CDH8: variants seen among roughly 807,000 people sequenced by gnomAD.
CDH8 encodes cadherin-8.
A neutral mutation model predicts 68.1 loss-of-function variants in CDH8; 17 were observed. The observed-to-expected ratio is 0.25, with a 90% confidence interval of 0.17 to 0.37. CDH8 has a LOEUF of 0.37. Among genes scored for constraint, CDH8 ranks in the 10% least tolerant of loss-of-function variants. The probability of loss-of-function intolerance (pLI) is 1.00; values close to 1 mark genes in which losing one functional copy is unlikely to be tolerated. For missense variants in CDH8, 763 were observed against 999.3 expected, an observed-to-expected ratio of 0.76 and a Z score of 3.19; for synonymous variants, 372 against 365.1, an observed-to-expected ratio of 1.02 and a Z score of -0.21.
intron 4 of CDH8, among the ~76,000 whole-genome samples, chr16:61,851,826 C>A (rs1962944678): frequency 6.6e-6 from 1 of 152,024 alleles, no homozygotes. Flanking sequence ...GAGGCCTGAA[C>A]CTGCTTCCAA....
intron 8 of CDH8, among the ~76,000 whole-genome samples, chr16:61,729,649 C>T (rs1016075151): frequency 6.6e-6 from 1 of 151,208 alleles, no homozygotes; most frequent in Non-Finnish European, 1.5e-5. Flanking sequence ...TCTTTTCATT[C>T]GACATCCTAG....
chr16:61,741,900 C>T (rs1959883209), intron 8 of CDH8, among the ~76,000 whole-genome samples: 1 of 152,168 alleles, frequency 6.6e-6, no homozygotes, highest in Non-Finnish European at 1.5e-5. Flanking sequence ...CACACTCACA[C>T]ACACACAGAA....
At chr16:61,714,464 C>A (rs918057963) in intron 9 of CDH8, among the ~76,000 whole-genome samples, 1 of 151,638 alleles carries the variant, frequency 6.6e-6, no homozygotes, top group African/African-American at 2.4e-5. Flanking sequence ...TGAGTTGCTT[C>A]TGTTCCCTCC....
intron 7 of CDH8, among the ~76,000 whole-genome samples, chr16:61,799,630 G>C (rs968259465): frequency 3.3e-5 from 5 of 152,066 alleles, no homozygotes; most frequent in Non-Finnish European, 7.4e-5. Flanking sequence ...ATGTTGGAAA[G>C]TTATGAGGAT....
intron 10 of CDH8, among the ~76,000 whole-genome samples, chr16:61,660,046 T>G (rs1465889331): frequency 6.6e-6 from 1 of 152,134 alleles, no homozygotes; most frequent in South Asian, 2.1e-4. Context: ...CTAAAGTGAC[T>G]GTGGACATAC....
intron 7 of CDH8, among the ~76,000 whole-genome samples, chr16:61,799,792 G>A (rs1961577420): frequency 3.9e-5 from 6 of 152,176 alleles, no homozygotes; most frequent in Admixed American, 3.9e-4. Context: ...TGTCATAAAT[G>A]AGTATATAAT....
chr16:61,768,613 A>G (rs1596950248), intron 8 of CDH8, among the ~76,000 whole-genome samples: 1 of 151,624 alleles, frequency 6.6e-6, no homozygotes, highest in Non-Finnish European at 1.5e-5. Flanking sequence ...AGTGTAAATT[A>G]TAATGCCAAT....
At chr16:61,860,428 T>C (rs1221330120) in intron 3 of CDH8, among the ~76,000 whole-genome samples, 1 of 152,110 alleles carries the variant, frequency 6.6e-6, no homozygotes, top group Non-Finnish European at 1.5e-5. Flanking sequence ...AGTCCAAAAA[T>C]TAAAGAAAAA....
chr16:61,649,685 T>C lies in CDH8; in HGVS notation c.*3923A>G, dbSNP rs1240275289. On this transcript the variant is annotated 3_prime_UTR_variant, in exon 12 of 12. Coordinates refer to ENST00000577390, the MANE Select transcript of CDH8 (RefSeq NM_001796.5). The stretch of plus-strand genomic sequence containing the variant: ...AATCAAAAAGGCAATCAGAAGGTTA[T>C]ACATTCGTGAGATTCCCTGCAAAGC... 2 of 152,152 alleles carry C rather than the reference T, an allele frequency of 1.3e-5. No homozygotes were observed. Among genetic ancestry groups the C allele is most frequent in the East Asian group, 3.9e-4 (2 of 5,146 alleles). The allele number at this position is 152,152 out of a possible 1,614,324, so 9.4% of individuals were successfully genotyped here. A position where few individuals can be genotyped will look rare whatever the true frequency, so the allele number is the denominator to read the frequency against.
Position 61,713,890 on chromosome 16 carries a change from G to A in CDH8, c.1605C>T (p.Leu535=). ...PKNGHYFLYS[L]LPEMVNNPNF... is the part of the protein sequence containing the mutation. ...TCGGATTGTTGACCATTTCTGGAAG[G>A]AGACTGTATAAGAAATAATGTCCGT... Residue 535 remains leucine (L), a synonymous_variant, in exon 10 of 12, where the codon CTC becomes CTT. Coordinates refer to ENST00000577390, the MANE Select transcript of CDH8 (RefSeq NM_001796.5). 6.2e-7 allele frequency: 1 copy of A among 1,608,626 alleles called. No individual in the cohort carries two copies. The highest frequency in any genetic ancestry group is 8.5e-7 in the Non-Finnish European group (1 of 1,175,884).
intron 4 of CDH8, among the ~76,000 whole-genome samples, chr16:61,846,621 G>A (rs1288277502): frequency 6.6e-6 from 1 of 152,044 alleles, no homozygotes; most frequent in African/African-American, 2.4e-5. Context: ...GAGCTCTGGA[G>A]TTTACTACCT....
At chr16:61,737,321 A>G (rs1163978979) in intron 8 of CDH8, among the ~76,000 whole-genome samples, 1 of 152,186 alleles carries the variant, frequency 6.6e-6, no homozygotes, top group Non-Finnish European at 1.5e-5. Flanking sequence ...TTCTACAAGT[A>G]GAAGGGTAGA....
intron 8 of CDH8, among the ~76,000 whole-genome samples, chr16:61,754,774 ATATTT>A (rs904174316): frequency 2.4e-4 from 36 of 152,130 alleles, no homozygotes; most frequent in African/African-American, 7.2e-4. Context: ...ATTTCAACTT[ATATTT>A]TATTTTATGT....
chr16:61,973,379 G>A (rs796475544), intron 2 of CDH8, among the ~76,000 whole-genome samples: 2 of 152,136 alleles, frequency 1.3e-5, no homozygotes, highest in South Asian at 2.1e-4. Context: ...TATGAAATAC[G>A]TGTTAATCAA....
At chr16:61,759,059 G>C (rs951644923) in intron 8 of CDH8, among the ~76,000 whole-genome samples, 6 of 152,150 alleles carry the variant, frequency 3.9e-5, no homozygotes, top group Admixed American at 3.9e-4. Flanking sequence ...CCTCTACTAA[G>C]AATCGTAACA....
intron 7 of CDH8, among the ~76,000 whole-genome samples, chr16:61,813,416 C>T (rs552420743): frequency 3.3e-5 from 5 of 152,238 alleles, no homozygotes; most frequent in African/African-American, 1.2e-4. Context: ...TGGGTATAAC[C>T]GAGACAGCCA....
intron 10 of CDH8, among the ~76,000 whole-genome samples, chr16:61,695,273 C>T (rs1312477511): frequency 6.6e-6 from 1 of 152,080 alleles, no homozygotes; most frequent in Non-Finnish European, 1.5e-5. Flanking sequence ...TAGGTAAAGT[C>T]CCCAGTCAAT....
chr16:61,817,504 G>A lies in CDH8; in HGVS notation c.1252C>T (p.Pro418Ser). The change falls in exon 7 of 12, where the codon CCT becomes TCT. Residue 418 changes from proline to serine, a missense_variant. Transcript: ENST00000577390. ...SVIGQVTARD[P>S]DITSSPIRFS... is the part of the protein sequence containing the mutation. ...CTTATAGGACTGGAAGTGATATCAG[G>A]GTCACGAGCAGTCACTTGCCCAATC... The A allele has an allele frequency of 6.2e-7, 1 of 1,613,788 alleles. No individual in the cohort carries two copies. The highest frequency in any genetic ancestry group is 1.1e-5 in the South Asian group (1 of 91,066).
intron 2 of CDH8, among the ~76,000 whole-genome samples, chr16:61,933,955 G>C (rs1390985157): frequency 6.6e-6 from 1 of 152,092 alleles, no homozygotes; most frequent in Non-Finnish European, 1.5e-5. Context: ...CAAAACCTGC[G>C]ATTGTAGTAA....
Sources: gnomAD v4.1 joint callset for allele counts (sites outside exome capture counted in the v4.1 genomes callset) on GRCh38, gnomAD v4.1.1 for gene constraint, MANE v1.5 for transcripts, NCBI Gene and HGNC (gene_info 2026-07-23, HGNC 2026-07-21) for gene names.